STK40: variants seen among roughly 807,000 people sequenced by gnomAD.
The protein encoded by STK40 is serine/threonine kinase 40.
STK40 carries 13 observed loss-of-function variants against 47.9 expected under a neutral mutation model. That is an observed-to-expected ratio of 0.27 (90% CI 0.18 to 0.43). The LOEUF is 0.43. Among genes scored for constraint, STK40 ranks in the 20% least tolerant of loss-of-function variants. STK40 has a pLI of 1.00. For synonymous variants in STK40, 225 were observed against 243.2 expected (o/e 0.93, Z 0.69); for missense variants, 460 against 595.1 (o/e 0.77, Z 2.36).
Position 36,340,723 on chromosome 1 carries a change from G to A in STK40, c.*1032C>T, listed in dbSNP as rs1280337135. On this transcript the variant is annotated 3_prime_UTR_variant, in exon 11 of 11. Coordinates refer to ENST00000373132, the MANE Select transcript of STK40 (RefSeq NM_001282547.2). ...TCCCTCACCACCATGGAGGACCCTT[G>A]CTAGGGTCTACCGGGAGAGTCACCA... 4 of 152,662 alleles carry A rather than the reference G, an allele frequency of 2.6e-5. No individual in the cohort carries two copies. The highest frequency in any genetic ancestry group is 5.9e-5 in the Non-Finnish European group (4 of 68,158). 9.5% of individuals were successfully genotyped at this position (152,662 alleles called of 1,614,324 possible).
intron 1 of STK40, chr1:36,362,766 T>C (rs1646863862): frequency 1.3e-5 from 2 of 152,242 alleles, no homozygotes; most frequent in Admixed American, 1.3e-4. Flanking sequence ...TTTTCCTGTG[T>C]GTGACTGTGT....
intron 4 of STK40, among the ~76,000 whole-genome samples, chr1:36,357,406 C>G (rs918883499): frequency 2.0e-5 from 3 of 152,190 alleles, no homozygotes; most frequent in African/African-American, 7.2e-5. Flanking sequence ...TGGGGCTGTT[C>G]CCAAGCCTGT....
In STK40 at chr1:36,361,291, C is replaced by T. The variant is rs749397762; in HGVS notation, c.42G>A (p.Ser14=). The part of the protein sequence containing the change: ...RASDRGAGET[S]ARAKALGSGI... The stretch of plus-strand genomic sequence containing the variant: ...CACTTCCTAGAGCCTTGGCCCTGGC[C>T]GACGTTTCCCCAGCTCCTCTGTCTG... Residue 14 remains serine (S), a synonymous_variant, in exon 2 of 11, where the codon TCG becomes TCA. Coordinates refer to ENST00000373132, the MANE Select transcript of STK40 (RefSeq NM_001282547.2). The T allele has an allele frequency of 2.8e-5, 46 of 1,614,108 alleles. No homozygotes were observed. The highest frequency in any genetic ancestry group is 1.1e-4 in the East Asian group (5 of 44,904).
intron 4 of STK40, among the ~76,000 whole-genome samples, chr1:36,355,668 C>T (rs2124734401): frequency 6.6e-6 from 1 of 152,314 alleles, no homozygotes; most frequent in African/African-American, 2.4e-5. Context: ...GAAGCTAAAA[C>T]ATCTCAGGTG....
At chr1:36,342,330 G>A (rs568895645) in intron 10 of STK40, 6 of 308,140 alleles carry the variant, frequency 1.9e-5, no homozygotes, top group East Asian at 1.7e-4. Flanking sequence ...CAAGAGGTAC[G>A]AGCAAGCCCT....
intron 1 of STK40, among the ~76,000 whole-genome samples, chr1:36,363,934 G>T (rs980943178): frequency 1.3e-5 from 2 of 151,470 alleles, no homozygotes; most frequent in African/African-American, 4.9e-5. Flanking sequence ...GGAAGATCAC[G>T]AGGTCAGGAG....
chr1:36,376,117 G>A (rs1007394673), intron 1 of STK40, among the ~76,000 whole-genome samples: 4 of 152,190 alleles, frequency 2.6e-5, no homozygotes, highest in Non-Finnish European at 5.9e-5. Flanking sequence ...GCTCAGAGGG[G>A]CAACAGGCTG....
chr1:36,360,499 C>A (rs756657721), intron 2 of STK40, among the ~76,000 whole-genome samples: 39 of 150,612 alleles, frequency 2.6e-4, no homozygotes, highest in Admixed American at 2.4e-3. Flanking sequence ...GATGATAGAT[C>A]TTGGGTTTTC....
chr1:36,375,565 A>G (rs977323934), intron 1 of STK40, among the ~76,000 whole-genome samples: 7 of 152,070 alleles, frequency 4.6e-5, no homozygotes, highest in Admixed American at 2.0e-4. Context: ...TTCCAGAGTG[A>G]TAGAGAGGAA....
intron 6 of STK40, among the ~76,000 whole-genome samples, chr1:36,349,722 A>G (rs1474681260): frequency 1.4e-5 from 2 of 138,556 alleles, no homozygotes; most frequent in Non-Finnish European, 3.1e-5. Flanking sequence ...TGTGGACAAA[A>G]GGAAGTGCCC....
intron 1 of STK40, among the ~76,000 whole-genome samples, chr1:36,383,177 C>T (rs1450002314): frequency 6.6e-6 from 1 of 152,218 alleles, no homozygotes; most frequent in Non-Finnish European, 1.5e-5. Flanking sequence ...CTCCTGACCT[C>T]AGGTGATCTG....
At chr1:36,383,639 C>G (rs1412986305) in intron 1 of STK40, among the ~76,000 whole-genome samples, 1 of 152,204 alleles carries the variant, frequency 6.6e-6, no homozygotes, top group Non-Finnish European at 1.5e-5. Flanking sequence ...AAATATGTAA[C>G]CAATCATGTC....
chr1:36,373,931 G>A (rs913509772), intron 1 of STK40, among the ~76,000 whole-genome samples: 4 of 152,246 alleles, frequency 2.6e-5, no homozygotes, highest in Non-Finnish European at 4.4e-5. Flanking sequence ...CAGCCTGTGG[G>A]AGAGTACCTG....
At chr1:36,384,031 CTTTTTTTTT>C (rs35654052) in intron 1 of STK40, among the ~76,000 whole-genome samples, 35 of 131,954 alleles carry the variant, frequency 2.7e-4, no homozygotes, top group Non-Finnish European at 5.4e-4. Context: ...TCTTCTTCTT[CTTTTTTTTT>C]TTTTTTTGAG....
chr1:36,354,439 T>C (rs1646784687), intron 5 of STK40, 23 bp from the exon 6 acceptor site: 1 of 1,613,654 alleles, frequency 6.2e-7, no homozygotes, highest in African/African-American at 1.3e-5. Flanking sequence ...AGGCGTATGG[T>C]TTACATTGTC....
Position 36,343,423 on chromosome 1 carries a change from G to A in STK40, c.1030C>T (p.Pro344Ser). Residue 344 changes from proline (P) to serine (S), a missense_variant, in exon 10 of 11, where the codon CCT becomes TCT. By Grantham distance (74) the Pro-to-Ser change is moderately conservative (BLOSUM62 -1). Around this residue, in one of 3 missense-constraint regions of STK40, gnomAD observed 181 missense variants for 218.9 expected, o/e 0.83. Transcript: ENST00000373132. Reference protein sequence around the residue: ...SWQSLSSLSGPLQVVPDIDDQ... With the variant: ...SWQSLSSLSGSLQVVPDIDDQ... ...TCAATGTCAGGAACCACTTGCAAAG[G>A]CCCACTCAGAGATGACAGGGACTGC... is the stretch of plus-strand genomic sequence containing the variant. 1 of 1,613,576 alleles carries A rather than the reference G, an allele frequency of 6.2e-7. No individual in the cohort carries two copies. Among genetic ancestry groups the A allele is most frequent in the Non-Finnish European group, 8.5e-7 (1 of 1,179,716 alleles).
intron 1 of STK40, among the ~76,000 whole-genome samples, chr1:36,372,480 C>T (rs1366846894): frequency 1.4e-5 from 2 of 146,764 alleles, no homozygotes; most frequent in Admixed American, 6.8e-5. Flanking sequence ...GAAATTGAGA[C>T]TCAGAGCTGC....
chr1:36,379,143 C>T (rs114660508), intron 1 of STK40, among the ~76,000 whole-genome samples: 3,152 of 152,336 alleles, frequency 0.021, 110 homozygotes, highest in African/African-American at 0.072. Flanking sequence ...CCCTTGCATC[C>T]AGACTTCCTA....
intron 4 of STK40, among the ~76,000 whole-genome samples, chr1:36,355,818 C>A (rs1016751096): frequency 6.6e-6 from 1 of 152,198 alleles, no homozygotes; most frequent in African/African-American, 2.4e-5. Flanking sequence ...ACCAACAGAA[C>A]CCCCTTTTGA....
Sources: gnomAD v4.1 joint callset for allele counts (sites outside exome capture counted in the v4.1 genomes callset) on GRCh38, gnomAD v4.1.1 for gene constraint, gnomAD v4.1.1 regional missense constraint, MANE v1.5 for transcripts, NCBI Gene and HGNC (gene_info 2026-07-23, HGNC 2026-07-21) for gene names.